Variants in TUBE1 observed in about 807,000 individuals in gnomAD.
TUBE1 encodes the protein tubulin epsilon 1, also known as tubulin epsilon chain.
Under a neutral mutation model 53.5 loss-of-function variants are expected in TUBE1, and 34 were observed. The observed-to-expected ratio is 0.64, with a 90% CI of 0.48 to 0.85. The LOEUF (loss-of-function observed/expected upper bound fraction) is 0.85, where lower values mean the gene tolerates loss of function less well. TUBE1 is among the 40% of genes least tolerant of loss of function. The pLI, the probability that TUBE1 is intolerant of heterozygous loss-of-function variation, is 0.00. For synonymous variants in TUBE1, 177 were observed against 198.4 expected, an observed-to-expected ratio of 0.89 and a Z score of 0.91; for missense variants, 532 against 570.5, an observed-to-expected ratio of 0.93 and a Z score of 0.69.
chr6:112,086,822 G>A (rs1425169953), intron 2 of TUBE1: 3 of 533,640 alleles, frequency 5.6e-6, no homozygotes, highest in Non-Finnish European at 9.9e-6. Flanking sequence ...GGGTGCTAAA[G>A]AAAGGATTTC....
intron 3 of TUBE1, chr6:112,085,850 T>C (rs1777144834): frequency 2.7e-6 from 1 of 368,760 alleles, no homozygotes; most frequent in South Asian, 2.1e-5. Flanking sequence ...ATGACACTTC[T>C]GAGTTTGCAA....
chr6:112,086,937 T>G (rs1003119907), intron 2 of TUBE1: 11 of 504,024 alleles, frequency 2.2e-5, no homozygotes, highest in Non-Finnish European at 3.8e-5. Flanking sequence ...TAACCACACG[T>G]GTTATCTATT....
chr6:112,071,303 T>C lies in TUBE1; in HGVS notation c.*109A>G. On this transcript the variant is annotated 3_prime_UTR_variant, in exon 12 of 12. Transcript: ENST00000368662. ...GAAATCACTCTTTTAGACAAAAATA[T>C]TTCCCGATAATATGAAAAAACTGGA... The C allele has an allele frequency of 1.8e-6, 2 of 1,107,408 alleles. No individual in the cohort carries two copies. The highest frequency in any genetic ancestry group is 2.4e-6 in the Non-Finnish European group (2 of 820,000). The allele number at this position is 1,107,408 out of a possible 1,614,324, so 68.6% of individuals were successfully genotyped here.
chr6:112,082,686 A>G (rs782264583), intron 4 of TUBE1, among the ~76,000 whole-genome samples: 1 of 152,166 alleles, frequency 6.6e-6, no homozygotes, highest in African/African-American at 2.4e-5. Context: ...ACTTTGGGAG[A>G]GTATTTTGGG....
chr6:112,082,704 C>T (rs587638921), intron 4 of TUBE1, among the ~76,000 whole-genome samples: 1 of 152,296 alleles, frequency 6.6e-6, no homozygotes, highest in South Asian at 2.1e-4. Context: ...GGGTTCTTCA[C>T]TTAGGCATCC....
At chr6:112,077,974 A>G (rs1583594876) in intron 6 of TUBE1, 1 of 152,212 alleles carries the variant, frequency 6.6e-6, no homozygotes, top group Middle Eastern at 3.4e-3. Context: ...TTAACTCATA[A>G]TAAAAGAAAT....
chr6:112,085,470 TG>T (rs1777133778), intron 3 of TUBE1: 1 of 333,088 alleles, frequency 3.0e-6, no homozygotes, highest in Admixed American at 3.9e-5. Flanking sequence ...ATGTAAGCGT[TG>T]GGTAACAAGA....
At chr6:112,083,021 G>A (rs1777094397) in intron 4 of TUBE1, among the ~76,000 whole-genome samples, 1 of 151,994 alleles carries the variant, frequency 6.6e-6, no homozygotes, top group Non-Finnish European at 1.5e-5. Flanking sequence ...CTCTCAATCT[G>A]CTTACTGATA....
chr6:112,074,644 T>C (rs1776924575), intron 9 of TUBE1, 66 bp downstream of exon 9: 2 of 1,280,278 alleles, frequency 1.6e-6, no homozygotes, highest in Admixed American at 2.9e-5. Flanking sequence ...GCAAACTTTT[T>C]TCTCTTAAAA....
At chr6:112,087,004 AG>A in intron 2 of TUBE1, 1 of 562,132 alleles carries the variant, frequency 1.8e-6, no homozygotes. Context: ...ACACCAATAA[AG>A]AGGAGACCCT....
At chr6:112,083,217 T>C (rs1341344980) in intron 4 of TUBE1, among the ~76,000 whole-genome samples, 1 of 151,926 alleles carries the variant, frequency 6.6e-6, no homozygotes, top group Non-Finnish European at 1.5e-5. Context: ...ACATCGGAGA[T>C]TGCAGATACT....
intron 4 of TUBE1, among the ~76,000 whole-genome samples, chr6:112,082,859 A>G (rs1195953382): frequency 2.0e-5 from 3 of 152,188 alleles, no homozygotes; most frequent in Non-Finnish European, 4.4e-5. Context: ...CCCAAGCACC[A>G]AGTTATCTTG....
intron 4 of TUBE1, among the ~76,000 whole-genome samples, chr6:112,082,192 A>C (rs1161350142): frequency 6.6e-6 from 1 of 152,200 alleles, no homozygotes; most frequent in African/African-American, 2.4e-5. Flanking sequence ...TATGTTTTAC[A>C]AATGTGCTCC....
At chr6:112,077,809 A>T (rs1163671422) in intron 6 of TUBE1, 2 of 150,990 alleles carry the variant, frequency 1.3e-5, no homozygotes, top group African/African-American at 2.4e-5. Context: ...ATATATACTT[A>T]AAAAAACCCA....
chr6:112,079,983 C>G (rs1477165956), intron 5 of TUBE1, among the ~76,000 whole-genome samples: 2 of 151,536 alleles, frequency 1.3e-5, no homozygotes, highest in Admixed American at 1.3e-4. Flanking sequence ...GATAAGTAAG[C>G]TCATTAGTAG....
chr6:112,082,638 T>G (rs1163668325), intron 4 of TUBE1, among the ~76,000 whole-genome samples: 1 of 152,228 alleles, frequency 6.6e-6, no homozygotes, highest in African/African-American at 2.4e-5. Context: ...CTCCCTTAGT[T>G]ACATCAGGCC....
chr6:112,072,948 T>C (rs1554315593), intron 9 of TUBE1, 50 bp from the exon 10 acceptor site: 5 of 1,583,668 alleles, frequency 3.2e-6, no homozygotes, highest in Admixed American at 3.4e-5. Flanking sequence ...CTTCTTTCTA[T>C]GTATAACTAT....
intron 3 of TUBE1, among the ~76,000 whole-genome samples, chr6:112,084,680 G>GA (rs1777120876): frequency 6.6e-6 from 1 of 152,208 alleles, no homozygotes; most frequent in African/African-American, 2.4e-5. Context: ...AACATATATA[G>GA]TATTAGATCT....
chr6:112,080,065 T>A (rs1412886026), intron 5 of TUBE1, among the ~76,000 whole-genome samples: 2 of 152,050 alleles, frequency 1.3e-5, no homozygotes, highest in Admixed American at 6.6e-5. Flanking sequence ...AAAACAAGAT[T>A]GCAGTTACAT....
Sources: allele counts gnomAD v4.1 joint callset (sites outside exome capture counted in the v4.1 genomes callset), GRCh38; gene constraint gnomAD v4.1.1; transcripts MANE v1.5; gene names NCBI Gene and HGNC (gene_info 2026-07-23, HGNC 2026-07-21).